The following COPS7A variants were observed in gnomAD, a reference collection of about 807,000 sequenced individuals.
COPS7A encodes the protein COP9 signalosome complex subunit 7a.
A neutral mutation model predicts 35.2 loss-of-function variants in COPS7A; 20 were observed. That is an observed-to-expected ratio of 0.57 (90% CI 0.40 to 0.83). COPS7A has a LOEUF of 0.83. COPS7A is among the 40% of genes least tolerant of loss of function. The probability of loss-of-function intolerance (pLI) is 0.00; values close to 1 mark genes in which losing one functional copy is unlikely to be tolerated. For synonymous variants in COPS7A, 139 were observed against 141.4 expected (o/e 0.98, Z 0.12); for missense variants, 247 against 347.5 (o/e 0.71, Z 2.30).
intron 1 of COPS7A, 144 bp downstream of exon 1, chr12:6,724,323 T>C: frequency 2.3e-6 from 1 of 434,166 alleles, no homozygotes; most frequent in Non-Finnish European, 4.5e-6. Context: ...TGAGGGAGCG[T>C]CGTCAGGGTG....
At position 6,731,341 on chromosome 12, in the gene COPS7A, G is replaced by A; in HGVS notation, c.*302G>A. 7.1e-7 allele frequency: 1 copy of A among 1,408,336 alleles called. No individual in the cohort carries two copies. Among genetic ancestry groups the A allele is most frequent in the Non-Finnish European group, 9.2e-7 (1 of 1,084,984 alleles). 87.2% of individuals were successfully genotyped at this position (1,408,336 alleles called of 1,614,324 possible). On this transcript the variant is annotated 3_prime_UTR_variant, in exon 8 of 8. Coordinates refer to ENST00000543155, the MANE Select transcript of COPS7A (RefSeq NM_001164094.2). ...GTCCCTGTTCATTACATGTCATTGAGTAGGTGGGTAGCCCTGATGGGGGTC... is the reference window on the plus strand; with the variant it reads ...GTCCCTGTTCATTACATGTCATTGAATAGGTGGGTAGCCCTGATGGGGGTC...
At chr12:6,724,272 GT>G (rs1436669139) in intron 1 of COPS7A, 93 bp downstream of exon 1, 2 of 386,634 alleles carry the variant, frequency 5.2e-6, no homozygotes, top group East Asian at 1.6e-4. Flanking sequence ...TGGGGGTGAG[GT>G]CACGTGGTTG....
intron 1 of COPS7A, 189 bp downstream of exon 1, chr12:6,724,368 T>A: frequency 1.9e-6 from 1 of 515,118 alleles, no homozygotes; most frequent in Non-Finnish European, 3.7e-6. Context: ...CTTTGCATCC[T>A]GTGTCTTGGG....
chr12:6,730,355 G>T, intron 5 of COPS7A, 47 bp from the exon 6 acceptor site: 1 of 1,575,904 alleles, frequency 6.3e-7, no homozygotes, highest in South Asian at 1.1e-5. Context: ...GTGAGTCTGT[G>T]ATCGCAGCCC....
rs539721863 is a variant in COPS7A, at chr12:6,726,563, A to T, written c.163-1363A>T. On this transcript the variant is annotated intron_variant, in intron 2 of 7. Transcript: ENST00000543155. ...GGTTGCAGTGAGCCGAGATTGCACC[A>T]CTGCATTCCAGCCTGGGCAACAGAG... 2.0e-5 allele frequency among the ~76,000 whole-genome samples: 3 copies of T among 151,750 alleles called. No homozygotes were observed. The South Asian group carries it at 6.2e-4, about 32-fold the overall frequency.
rs1317070745 is a variant in COPS7A, at chr12:6,731,258, G to A, written c.*219G>A. ...CTTTCTGTTTTTTGTGACTTCATGT[G>A]TTCCATTGCTCCCCGCTGCCATGCT... On this transcript the variant is annotated 3_prime_UTR_variant, in exon 8 of 8. Coordinates refer to ENST00000543155, the MANE Select transcript of COPS7A (RefSeq NM_001164094.2). 1.5e-5 allele frequency: 22 copies of A among 1,451,886 alleles called. No individual in the cohort carries two copies. The Admixed American group carries it at 1.8e-4, about 12-fold the overall frequency. 89.9% of individuals were successfully genotyped at this position (1,451,886 alleles called of 1,614,324 possible). A position where few individuals can be genotyped will look rare whatever the true frequency, so the allele number is the denominator to read the frequency against.
At chr12:6,728,061 G>A (rs1941301632) in intron 3 of COPS7A, 60 bp downstream of exon 3, 1 of 1,554,564 alleles carries the variant, frequency 6.4e-7, no homozygotes, top group African/African-American at 1.4e-5. Context: ...ATTTCTGGAG[G>A]GACTCAGAAG....
At chr12:6,726,146 C>T (rs970827895) in intron 2 of COPS7A, among the ~76,000 whole-genome samples, 17 of 151,954 alleles carry the variant, frequency 1.1e-4, no homozygotes, top group Non-Finnish European at 1.9e-4. Flanking sequence ...AACCCCGTCT[C>T]TACTAAAAAT....
Position 6,729,290 on chromosome 12 carries a change from A to G in COPS7A, c.371A>G (p.Asn124Ser). 6.2e-7 allele frequency: 1 copy of G among 1,614,040 alleles called. No homozygotes were observed. The change falls in exon 5 of 8, where the codon AAT becomes AGT. Residue 124 changes from asparagine (N) to serine (S), a missense_variant. Coordinates refer to ENST00000543155, the MANE Select transcript of COPS7A (RefSeq NM_001164094.2). This position sits in a 1 kb window ranked among gnomAD's most constrained non-coding sequence, Gnocchi z 4.2. Reference sequence around the variant, plus strand: ...TTGCTGGAGGCTCTTGCCCTGCGTAATGTGCGGCAGCTGGAAGACCTTGTG... The same window carrying G: ...TTGCTGGAGGCTCTTGCCCTGCGTAGTGTGCGGCAGCTGGAAGACCTTGTG... Reference protein sequence around the residue: ...AVLLEALALRNVRQLEDLVIE... With the variant: ...AVLLEALALRSVRQLEDLVIE...
Position 6,731,165 on chromosome 12 carries a change from C to G in COPS7A, c.*126C>G. 2 of 1,583,040 alleles carry G rather than the reference C, an allele frequency of 1.3e-6. No individual in the cohort carries two copies. The highest frequency in any genetic ancestry group is 1.7e-6 in the Non-Finnish European group (2 of 1,162,902). ...CCTAGGTTCATGACCCTTCACCTCCCCTAACCCCAAACATAGATCACACCT... is the reference window on the plus strand; with the variant it reads ...CCTAGGTTCATGACCCTTCACCTCCGCTAACCCCAAACATAGATCACACCT... On this transcript the variant is annotated 3_prime_UTR_variant, in exon 8 of 8. Coordinates refer to ENST00000543155, the MANE Select transcript of COPS7A (RefSeq NM_001164094.2).
At position 6,731,037 on chromosome 12, in the gene COPS7A, T is replaced by G. The variant is rs1941381294; in HGVS notation, c.826T>G (p.Ter276GlyextTer32). The change falls in exon 8 of 8, where the codon TGA becomes GGA. Residue 276 changes from the stop codon to glycine, a stop_lost. Coordinates refer to ENST00000543155, the MANE Select transcript of COPS7A (RefSeq NM_001164094.2). Reference protein sequence around the residue: ...GSAKIWSKSN* With the variant: ...GSAKIWSKSNG ...CGCCAAGATTTGGTCCAAGTCGAAT[T>G]GAAAGGACTGTCGTTTCCTCCCTGG... 4.3e-6 allele frequency: 7 copies of G among 1,614,066 alleles called. No homozygotes were observed. Among genetic ancestry groups the G allele is most frequent in the Non-Finnish European group, 5.1e-6 (6 of 1,179,990 alleles).
chr12:6,731,236 T>C lies in COPS7A; in HGVS notation c.*197T>C. The C allele has an allele frequency of 1.4e-6, 2 of 1,468,724 alleles. 1 individual carries two copies. Among genetic ancestry groups the C allele is most frequent in the Middle Eastern group, 3.6e-4 (2 of 5,628 alleles). The allele number at this position is 1,468,724 out of a possible 1,614,324, so 91.0% of individuals were successfully genotyped here. On this transcript the variant is annotated 3_prime_UTR_variant, in exon 8 of 8. Coordinates refer to ENST00000543155, the MANE Select transcript of COPS7A (RefSeq NM_001164094.2). ...GTAGGTCATGTTTTTGTTGGTACTT[T>C]CTGTTTTTTGTGACTTCATGTGTTC...
Position 6,729,662 on chromosome 12 carries a change from G to A in COPS7A, c.530+213G>A, listed in dbSNP as rs1337275645. 6.6e-6 allele frequency among the ~76,000 whole-genome samples: 1 copy of A among 152,122 alleles called. No homozygotes were observed. The highest frequency in any genetic ancestry group is 1.5e-5 in the Non-Finnish European group (1 of 68,022). The stretch of plus-strand genomic sequence containing the variant: ...AGTCAGTGTCCTTGATATAGTAGTT[G>A]GGGGAGGAAAAGGGAGTGGTATACT... On this transcript the variant is annotated intron_variant, in intron 5 of 7. Transcript: ENST00000543155. The surrounding 1 kb of genome is among the most constrained non-coding windows in gnomAD (Gnocchi z 4.2).
At chr12:6,727,336 CAA>C (rs11411867) in intron 2 of COPS7A, among the ~76,000 whole-genome samples, 169 of 88,038 alleles carry the variant, frequency 1.9e-3, no homozygotes, top group African/African-American at 7.1e-3. Flanking sequence ...GACTCTGTCT[CAA>C]AAAAAAAAAA....
intron 2 of COPS7A, among the ~76,000 whole-genome samples, chr12:6,725,478 A>G (rs1941230386): frequency 6.6e-6 from 1 of 152,128 alleles, no homozygotes; most frequent in Non-Finnish European, 1.5e-5. Flanking sequence ...TTAAAAATGG[A>G]GACAATACTG....
intron 2 of COPS7A, 89 bp downstream of exon 2, chr12:6,724,907 A>G (rs1259600224): frequency 7.2e-6 from 10 of 1,381,450 alleles, no homozygotes; most frequent in Admixed American, 4.1e-5. Context: ...TTGTGATCCA[A>G]TAACCATTCA....
intron 2 of COPS7A, chr12:6,726,028 A>G: frequency 2.5e-6 from 1 of 407,850 alleles, no homozygotes. Flanking sequence ...TAAAAATACA[A>G]ACAGGGCTGG....
intron 2 of COPS7A, among the ~76,000 whole-genome samples, 177 bp downstream of exon 2, chr12:6,724,995 G>T (rs941302109): frequency 6.6e-6 from 1 of 152,104 alleles, no homozygotes; most frequent in African/African-American, 2.4e-5. Flanking sequence ...CTCTCCTTTG[G>T]AGATAAGGGA....
chr12:6,725,849 C>G (rs1941238904), intron 2 of COPS7A: 1 of 455,972 alleles, frequency 2.2e-6, no homozygotes, highest in Non-Finnish European at 4.4e-6. Flanking sequence ...TGACTTTTCC[C>G]TGCTTTCATC....
Sources: gnomAD v4.1 joint callset for allele counts (sites outside exome capture counted in the v4.1 genomes callset) on GRCh38, gnomAD v4.1.1 for gene constraint, Gnocchi (gnomAD v3.1) non-coding constraint, MANE v1.5 for transcripts, NCBI Gene and HGNC (gene_info 2026-07-23, HGNC 2026-07-21) for gene names.